Variants in SNTB2 observed in about 807,000 individuals in gnomAD.
The protein encoded by SNTB2 is beta-2-syntrophin.
Under a neutral mutation model 46.2 loss-of-function variants are expected in SNTB2, and 34 were observed. That is an observed-to-expected ratio of 0.74 (90% confidence interval 0.56 to 0.98). The LOEUF (loss-of-function observed/expected upper bound fraction) is 0.98, where lower values mean the gene tolerates loss of function less well. Among genes scored for constraint, SNTB2 ranks in the 50% least tolerant of loss-of-function variants. The pLI is 0.00. For synonymous variants in SNTB2, 290 were observed against 312.6 expected (o/e 0.93, Z 0.76); for missense variants, 603 against 731.4 (o/e 0.82, Z 2.02).
At chr16:69,279,661 G>A (rs1965019686) in intron 4 of SNTB2, among the ~76,000 whole-genome samples, 2 of 150,566 alleles carry the variant, frequency 1.3e-5, no homozygotes, top group South Asian at 2.1e-4. Flanking sequence ...GAGCAGCTGG[G>A]ACTACAGGCT....
chr16:69,232,210 T>TTTTTCTC (rs1279848516), intron 1 of SNTB2, among the ~76,000 whole-genome samples: 2 of 96,758 alleles, frequency 2.1e-5, no homozygotes. Flanking sequence ...TCTTTTTTCT[T>TTTTTCTC]TTTTTTTTTT....
Position 69,255,872 on chromosome 16 carries a change from T to C in SNTB2, c.795-4178T>C, listed in dbSNP as rs1192990723. On this transcript the variant is annotated intron_variant, in intron 2 of 6. Coordinates refer to ENST00000336278, the MANE Select transcript of SNTB2 (RefSeq NM_006750.4). ...AGCCCGGGCAACAAGAGGTAAACTC[T>C]GTCTCAAAAAAAAAAAAAAATTGGT... 6.6e-5 allele frequency among the ~76,000 whole-genome samples: 9 copies of C among 135,958 alleles called. No individual in the cohort carries two copies. In the Admixed American group the frequency reaches 6.9e-4, roughly 10 times the overall value. 89.2% of individuals were successfully genotyped at this position (135,958 alleles called of 152,430 possible). A position where few individuals can be genotyped will look rare whatever the true frequency, so the allele number is the denominator to read the frequency against.
chr16:69,190,006 T>C (rs1200914585), intron 1 of SNTB2, among the ~76,000 whole-genome samples: 1 of 152,220 alleles, frequency 6.6e-6, no homozygotes, highest in Non-Finnish European at 1.5e-5. Context: ...GAAGTCAATA[T>C]AGTAGATTTA....
At chr16:69,223,494 C>G (rs777874843) in intron 1 of SNTB2, among the ~76,000 whole-genome samples, 5 of 152,094 alleles carry the variant, frequency 3.3e-5, no homozygotes, top group African/African-American at 4.8e-5. Context: ...CACACCCAGC[C>G]AACATTAGTA....
intron 1 of SNTB2, chr16:69,191,322 A>G (rs1567392685): frequency 6.9e-6 from 1 of 145,842 alleles, no homozygotes; most frequent in East Asian, 2.1e-4. Flanking sequence ...CCAAAGCAGG[A>G]AGATCATTTG....
At chr16:69,189,460 CA>C (rs377107714) in intron 1 of SNTB2, among the ~76,000 whole-genome samples, 1 of 152,092 alleles carries the variant, frequency 6.6e-6, no homozygotes, top group African/African-American at 2.4e-5. Context: ...AAAAAAAACA[CA>C]AAAAACCTTT....
intron 3 of SNTB2, among the ~76,000 whole-genome samples, chr16:69,264,680 C>T (rs779364703): frequency 4.0e-5 from 6 of 151,856 alleles, no homozygotes; most frequent in Admixed American, 2.0e-4. Context: ...GCTTGAAGTA[C>T]GTGAACCTCC....
rs1215927775 is a variant in SNTB2, at chr16:69,302,818, C to T, written c.*1894C>T. The T allele has an allele frequency of 6.6e-6, 1 of 152,112 alleles. No homozygotes were observed. The highest frequency in any genetic ancestry group is 1.5e-5 in the Non-Finnish European group (1 of 68,016). 9.4% of individuals were successfully genotyped at this position (152,112 alleles called of 1,614,324 possible). ...AAAATCTAGACAAGAATATGTCTTT[C>T]AAGAGCTTTTTATGTTTTGAAAGTT... On this transcript the variant is annotated 3_prime_UTR_variant, in exon 7 of 7. Coordinates refer to ENST00000336278, the MANE Select transcript of SNTB2 (RefSeq NM_006750.4).
At chr16:69,281,191 T>A (rs1357772632) in intron 4 of SNTB2, among the ~76,000 whole-genome samples, 3 of 151,536 alleles carry the variant, frequency 2.0e-5, no homozygotes, top group Non-Finnish European at 4.4e-5. Flanking sequence ...GCTTTTGATG[T>A]TATATCCTTT....
Position 69,306,544 on chromosome 16 carries a change from C to T in SNTB2, c.*5620C>T, listed in dbSNP as rs1313399824. 6.6e-6 allele frequency: 1 copy of T among 152,192 alleles called. No homozygotes were observed. Among genetic ancestry groups the T allele is most frequent in the Non-Finnish European group, 1.5e-5 (1 of 68,040 alleles). The allele number at this position is 152,192 out of a possible 1,614,324, so 9.4% of individuals were successfully genotyped here. ...GAAATCCACCATATAAACCATAATC[C>T]TTGAATTGCCCCTTTTAAAATAGAT... On this transcript the variant is annotated 3_prime_UTR_variant, in exon 7 of 7. Transcript: ENST00000336278.
At chr16:69,205,139 A>G (rs7200043) in intron 1 of SNTB2, among the ~76,000 whole-genome samples, 3 of 151,332 alleles carry the variant, frequency 2.0e-5, no homozygotes, top group Non-Finnish European at 2.9e-5. Flanking sequence ...ATCCTGGGAA[A>G]TACTTTGTTA....
At chr16:69,299,100 T>C (rs1007318947) in intron 5 of SNTB2, among the ~76,000 whole-genome samples, 3 of 152,144 alleles carry the variant, frequency 2.0e-5, no homozygotes, top group African/African-American at 7.2e-5. Flanking sequence ...CAAGGAGTGT[T>C]ATGGTCATTT....
At chr16:69,256,646 G>T (rs911788324) in intron 2 of SNTB2, among the ~76,000 whole-genome samples, 1 of 152,028 alleles carries the variant, frequency 6.6e-6, no homozygotes, top group Non-Finnish European at 1.5e-5. Context: ...CATGTGTTAG[G>T]ATTTCTTTCC....
At chr16:69,298,044 TCCTC>T (rs1965244449) in intron 5 of SNTB2, among the ~76,000 whole-genome samples, 1 of 152,054 alleles carries the variant, frequency 6.6e-6, no homozygotes, top group African/African-American at 2.4e-5. Context: ...ACGCAAGTGA[TCCTC>T]CCACCCCAGC....
chr16:69,286,834 GAA>G (rs1276767655), intron 5 of SNTB2, among the ~76,000 whole-genome samples: 2 of 152,194 alleles, frequency 1.3e-5, no homozygotes, highest in East Asian at 3.9e-4. Flanking sequence ...TCAAGCCTGT[GAA>G]TAGCCACTGT....
chr16:69,212,588 C>T (rs956479768), intron 1 of SNTB2, among the ~76,000 whole-genome samples: 2 of 152,132 alleles, frequency 1.3e-5, no homozygotes, highest in African/African-American at 4.8e-5. Flanking sequence ...CCACCCACCT[C>T]GGCCTCCCAA....
intron 4 of SNTB2, among the ~76,000 whole-genome samples, chr16:69,270,875 CTG>C (rs1238336502): frequency 6.6e-6 from 1 of 152,184 alleles, no homozygotes; most frequent in East Asian, 1.9e-4. Context: ...GGGATCATAA[CTG>C]TGAAACTAGA....
chr16:69,298,720 C>T (rs1965250382), intron 5 of SNTB2, among the ~76,000 whole-genome samples: 1 of 151,872 alleles, frequency 6.6e-6, no homozygotes. Flanking sequence ...CGGGGTTTCG[C>T]CATGTTGGCC....
At chr16:69,197,933 T>G (rs1165840935) in intron 1 of SNTB2, among the ~76,000 whole-genome samples, 1 of 152,164 alleles carries the variant, frequency 6.6e-6, no homozygotes, top group African/African-American at 2.4e-5. Context: ...AAATACATAT[T>G]TTTTACAATG....
Sources: allele counts gnomAD v4.1 joint callset (sites outside exome capture counted in the v4.1 genomes callset), GRCh38; gene constraint gnomAD v4.1.1; transcripts MANE v1.5; gene names NCBI Gene and HGNC (gene_info 2026-07-23, HGNC 2026-07-21).